SLC38A11: variants seen among roughly 807,000 people sequenced by gnomAD.
SLC38A11 encodes solute carrier family 38 member 11.
Under a neutral mutation model 49.4 loss-of-function variants are expected in SLC38A11, and 51 were observed. The observed-to-expected ratio is 1.03, with a 90% confidence interval of 0.83 to 1.30. The LOEUF (loss-of-function observed/expected upper bound fraction) is 1.30, where lower values mean the gene tolerates loss of function less well. Among genes scored for constraint, SLC38A11 ranks in the 50% most tolerant of loss-of-function variants. SLC38A11 has a pLI of 0.00. For missense variants in SLC38A11, 574 were observed against 556.2 expected (o/e 1.03, Z -0.32); for synonymous variants, 203 against 192.9 (o/e 1.05, Z -0.43).
chr2:164,903,616 C>T (rs955073395), intron 11 of SLC38A11, among the ~76,000 whole-genome samples: 1 of 152,200 alleles, frequency 6.6e-6, no homozygotes, highest in Admixed American at 6.5e-5. Flanking sequence ...ATGAATTAGT[C>T]GAGCTGATTT....
intron 7 of SLC38A11, among the ~76,000 whole-genome samples, chr2:164,934,425 A>G (rs1183799490): frequency 6.6e-6 from 1 of 152,190 alleles, no homozygotes; most frequent in Admixed American, 6.5e-5. Flanking sequence ...CTTTGTTCAT[A>G]GAATCTCCAA....
Position 164,945,726 on chromosome 2 carries a change from G to T in SLC38A11, c.231C>A (p.Asp77Glu). ...LLLFWVSYVT[D>E]FSLVLLIKGG... ...CTTTTATCAATAAAACAAGGGAAAA[G>T]TCTGTGGCAAGAACATCAATTAAAT... is the stretch of plus-strand genomic sequence containing the variant. The change falls in exon 4 of 12, where the codon GAC becomes GAA. Residue 77 changes from aspartate to glutamate, a missense_variant and splice_region_variant. Asp to Glu is a conservative substitution (Grantham distance 45, BLOSUM62 2). Transcript: ENST00000685975. 6.2e-7 allele frequency: 1 copy of T among 1,604,164 alleles called. No homozygotes were observed. The highest frequency in any genetic ancestry group is 1.3e-5 in the African/African-American group (1 of 74,338).
intron 3 of SLC38A11, chr2:164,949,925 G>GTTT (rs1559133568): frequency 6.6e-6 from 1 of 152,166 alleles, no homozygotes. Flanking sequence ...TGTTGTTGTT[G>GTTT]TCCTTACAGA....
At chr2:164,904,523 C>A (rs551511769) in intron 11 of SLC38A11, among the ~76,000 whole-genome samples, 9 of 152,098 alleles carry the variant, frequency 5.9e-5, no homozygotes, top group Admixed American at 1.3e-4. Context: ...CCTAACCTTG[C>A]ATGATCTGAT....
In SLC38A11 at chr2:164,908,863, A is replaced by G. The variant is rs986420393; in HGVS notation, c.964-92T>C. ...TTTACAATAGTATTTAGGAATATAT[A>G]AAATACTACCAACAAGGCTATTAAT... On this transcript the variant is annotated intron_variant, in intron 10 of 11. Transcript: ENST00000685975. The G allele has an allele frequency of 2.2e-6, 3 of 1,339,294 alleles. No individual in the cohort carries two copies. In the African/African-American group the frequency reaches 4.5e-5, roughly 20 times the overall value. 83.0% of individuals were successfully genotyped at this position (1,339,294 alleles called of 1,614,324 possible).
intron 7 of SLC38A11, among the ~76,000 whole-genome samples, chr2:164,925,817 C>T (rs1233719103): frequency 2.6e-5 from 4 of 152,102 alleles, no homozygotes; most frequent in Non-Finnish European, 5.9e-5. Context: ...AGCCCCAGTA[C>T]CTAGAAGAGT....
At chr2:164,915,501 C>T in intron 8 of SLC38A11, 1 of 471,610 alleles carries the variant, frequency 2.1e-6, no homozygotes, top group Non-Finnish European at 3.7e-6. Flanking sequence ...TAAACCAGGC[C>T]AGTCCAACAT....
intron 9 of SLC38A11, among the ~76,000 whole-genome samples, chr2:164,912,768 C>T (rs1685490354): frequency 6.6e-6 from 1 of 151,862 alleles, no homozygotes; most frequent in African/African-American, 2.4e-5. Context: ...TACCTTGAAA[C>T]AATTCTTATT....
intron 7 of SLC38A11, among the ~76,000 whole-genome samples, chr2:164,932,309 G>A (rs1394011347): frequency 1.3e-5 from 2 of 152,136 alleles, no homozygotes; most frequent in Non-Finnish European, 2.9e-5. Context: ...TACACCATTG[G>A]TGGGAGTGTA....
intron 11 of SLC38A11, among the ~76,000 whole-genome samples, chr2:164,903,565 A>G (rs1199580775): frequency 6.6e-6 from 1 of 152,188 alleles, no homozygotes; most frequent in African/African-American, 2.4e-5. Context: ...AGTCAAGATC[A>G]TCAGTAAAAT....
intron 7 of SLC38A11, among the ~76,000 whole-genome samples, chr2:164,923,035 A>G (rs1369316041): frequency 1.3e-5 from 2 of 152,260 alleles, no homozygotes; most frequent in African/African-American, 4.8e-5. Context: ...CAGAAGAATG[A>G]AACTAGACCC....
At chr2:164,901,904 C>G (rs1489180832) in intron 11 of SLC38A11, among the ~76,000 whole-genome samples, 2 of 151,998 alleles carry the variant, frequency 1.3e-5, no homozygotes, top group Non-Finnish European at 2.9e-5. Context: ...CATAAATAGC[C>G]TTTATTATGT....
At chr2:164,927,190 G>A (rs923967491) in intron 7 of SLC38A11, among the ~76,000 whole-genome samples, 2 of 152,120 alleles carry the variant, frequency 1.3e-5, no homozygotes. Context: ...TCCAGAGGAA[G>A]CAGAGTTCAA....
At chr2:164,948,954 C>T (rs1207437085) in intron 3 of SLC38A11, among the ~76,000 whole-genome samples, 2 of 147,206 alleles carry the variant, frequency 1.4e-5, no homozygotes, top group East Asian at 2.0e-4. Context: ...CATTCCTGCT[C>T]TTTTGAGGCT....
chr2:164,946,835 CT>C (rs1429705842), intron 3 of SLC38A11, among the ~76,000 whole-genome samples: 1 of 152,132 alleles, frequency 6.6e-6, no homozygotes, highest in Non-Finnish European at 1.5e-5. Context: ...TGGTTTCCCC[CT>C]GATTCCCATA....
chr2:164,935,494 A>C (rs1399706164), intron 7 of SLC38A11, among the ~76,000 whole-genome samples: 1 of 133,958 alleles, frequency 7.5e-6, no homozygotes, highest in East Asian at 2.2e-4. Flanking sequence ...ACATAGTGAG[A>C]CTCCATCTCT....
intron 7 of SLC38A11, among the ~76,000 whole-genome samples, chr2:164,931,680 C>T (rs1009658695): frequency 2.0e-5 from 3 of 152,124 alleles, no homozygotes; most frequent in Non-Finnish European, 4.4e-5. Flanking sequence ...TGAAAGCACT[C>T]CTTATTCAAT....
At chr2:164,924,205 T>G (rs1686410962) in intron 7 of SLC38A11, among the ~76,000 whole-genome samples, 2 of 152,060 alleles carry the variant, frequency 1.3e-5, no homozygotes, top group Admixed American at 1.3e-4. Flanking sequence ...CCTAAGCAAA[T>G]TAACACAGGA....
chr2:164,937,392 AG>A lies in SLC38A11; in HGVS notation c.574del (p.Gly193GlufsTer3). The part of the protein sequence containing the change: ...LISTGLTTLI[L>X]GIVMARAISL... The stretch of plus-strand genomic sequence containing the variant: ...AATTGCCCTTGCCATTACAATTCCA[AG>A]AATCAGAGTTGTTAAACCTGTAGAG... On this transcript the variant is annotated frameshift_variant, in exon 7 of 12. Transcript: ENST00000685975. LOFTEE classifies it high-confidence loss of function. 6.2e-7 allele frequency: 1 copy of A among 1,612,170 alleles called. No homozygotes were observed. The highest frequency in any genetic ancestry group is 8.5e-7 in the Non-Finnish European group (1 of 1,178,538).
Sources: allele counts gnomAD v4.1 joint callset (sites outside exome capture counted in the v4.1 genomes callset), GRCh38; gene constraint gnomAD v4.1.1; transcripts MANE v1.5; gene names NCBI Gene and HGNC (gene_info 2026-07-23, HGNC 2026-07-21).